EML6: variants seen among roughly 807,000 people sequenced by gnomAD.
EML6 encodes echinoderm microtubule-associated protein-like 6.
In EML6, 154 loss-of-function variants were observed where a neutral mutation model predicts 240.1. The observed-to-expected ratio is 0.64, with a 90% CI of 0.56 to 0.73. EML6 has a LOEUF of 0.73. Among genes scored for constraint, EML6 ranks in the 30% least tolerant of loss-of-function variants. EML6 has a pLI of 0.00. For synonymous variants in EML6, 1,148 were observed against 899.0 expected (o/e 1.28, Z -4.95); for missense variants, 2,964 against 2,474.6 (o/e 1.20, Z -4.20).
intron 16 of EML6, among the ~76,000 whole-genome samples, chr2:54,873,199 T>C (rs1320043204): frequency 6.6e-6 from 1 of 152,244 alleles, no homozygotes; most frequent in Non-Finnish European, 1.5e-5. Context: ...GGGGCAGTTT[T>C]TAGTTTTTCT....
At chr2:54,895,105 A>G (rs755468866) in intron 20 of EML6, 79 bp downstream of exon 20, 12 of 1,340,728 alleles carry the variant, frequency 9.0e-6, no homozygotes, top group Non-Finnish European at 1.2e-5. Flanking sequence ...TTAGAAAACT[A>G]TTAGCAAATC....
At chr2:54,859,414 A>T (rs956467004) in intron 11 of EML6, 120 bp from the exon 12 acceptor site, 11 of 751,430 alleles carry the variant, frequency 1.5e-5, no homozygotes, top group Non-Finnish European at 2.4e-5. Flanking sequence ...TGTAAGACGG[A>T]ACATCGTTTT....
At chr2:54,929,186 C>T (rs1411128656) in intron 28 of EML6, among the ~76,000 whole-genome samples, 1 of 152,208 alleles carries the variant, frequency 6.6e-6, no homozygotes, top group Non-Finnish European at 1.5e-5. Context: ...GAATCTGTGC[C>T]TTATACTCCA....
chr2:54,893,028 A>C (rs1364946529), intron 19 of EML6, among the ~76,000 whole-genome samples: 1 of 152,148 alleles, frequency 6.6e-6, no homozygotes, highest in Admixed American at 6.5e-5. Context: ...GAAAGTACCA[A>C]ATGGTTACAT....
chr2:54,755,809 G>A (rs917723319), intron 2 of EML6, among the ~76,000 whole-genome samples: 1 of 151,950 alleles, frequency 6.6e-6, no homozygotes, highest in Non-Finnish European at 1.5e-5. Context: ...ACAGGTGCAG[G>A]CAACCACGCC....
At chr2:54,747,579 A>G (rs938716446) in intron 2 of EML6, 2 of 152,212 alleles carry the variant, frequency 1.3e-5, no homozygotes, top group African/African-American at 2.4e-5. Flanking sequence ...ATTAGTATGC[A>G]TGTCTGAAAC....
rs1242189162 is a variant in EML6, at chr2:54,861,241, GT to G, written c.1825+1543del. ...AGCCTACCCATACTTACTGGAAAAA[GT>G]TTGGTCATACACCAAGTGCCACACC... On this transcript the variant is annotated intron_variant, in intron 12 of 41. Transcript: ENST00000356458. 2.6e-5 allele frequency among the ~76,000 whole-genome samples: 4 copies of G among 152,304 alleles called. No homozygotes were observed. The East Asian group carries it at 7.7e-4, about 29-fold the overall frequency.
At chr2:54,778,030 A>G (rs975671903) in intron 2 of EML6, among the ~76,000 whole-genome samples, 1 of 152,242 alleles carries the variant, frequency 6.6e-6, no homozygotes, top group Non-Finnish European at 1.5e-5. Flanking sequence ...CTAGGCATTC[A>G]TCACCTAAAC....
At chr2:54,930,943 C>T (rs1200507903) in intron 28 of EML6, among the ~76,000 whole-genome samples, 1 of 150,088 alleles carries the variant, frequency 6.7e-6, no homozygotes, top group Non-Finnish European at 1.5e-5. Flanking sequence ...AGAGATCAGA[C>T]CGTAGGCATC....
intron 7 of EML6, among the ~76,000 whole-genome samples, chr2:54,830,817 T>C (rs1284385846): frequency 5.3e-5 from 8 of 152,208 alleles, no homozygotes; most frequent in Non-Finnish European, 1.2e-4. Context: ...AATACAAAAA[T>C]GTGCATCTAA....
intron 8 of EML6, among the ~76,000 whole-genome samples, chr2:54,846,870 C>T (rs76584060): frequency 0.055 from 8,326 of 150,332 alleles, 352 homozygotes; most frequent in South Asian, 0.15. Flanking sequence ...CCTTGGTATA[C>T]ATAAAGGACC....
chr2:54,860,624 A>G (rs2103835201), intron 12 of EML6, among the ~76,000 whole-genome samples: 1 of 152,270 alleles, frequency 6.6e-6, no homozygotes, highest in East Asian at 1.9e-4. Context: ...GAGCTCCCCA[A>G]CTTTTATAGC....
At chr2:54,813,114 A>G in intron 2 of EML6, 118 bp from the exon 3 acceptor site, 1 of 726,034 alleles carries the variant, frequency 1.4e-6, no homozygotes, top group Non-Finnish European at 2.2e-6. Flanking sequence ...GGGACAGTTC[A>G]GACTCTTTCT....
intron 22 of EML6, among the ~76,000 whole-genome samples, chr2:54,901,143 A>G (rs897087829): frequency 2.0e-5 from 3 of 152,182 alleles, no homozygotes; most frequent in Non-Finnish European, 4.4e-5. Context: ...GAGTAAGGCT[A>G]TTATTATTGC....
At chr2:54,780,215 G>A (rs1042533744) in intron 2 of EML6, among the ~76,000 whole-genome samples, 1 of 152,112 alleles carries the variant, frequency 6.6e-6, no homozygotes, top group East Asian at 1.9e-4. Flanking sequence ...TTACCCATTA[G>A]TATAATATCT....
intron 28 of EML6, among the ~76,000 whole-genome samples, chr2:54,945,962 C>T (rs1009570162): frequency 7.2e-5 from 11 of 152,210 alleles, no homozygotes; most frequent in African/African-American, 2.7e-4. Flanking sequence ...ACTCTCCCCA[C>T]AGGCACTGAA....
At chr2:54,892,249 G>A (rs1459965903) in intron 18 of EML6, among the ~76,000 whole-genome samples, 1 of 152,150 alleles carries the variant, frequency 6.6e-6, no homozygotes, top group African/African-American at 2.4e-5. Context: ...CTTACCACAT[G>A]TAGGGATTCA....
In EML6 at chr2:54,962,497, T is replaced by C. The variant is rs576085267; in HGVS notation, c.4969-26T>C. 26 of 1,515,338 alleles carry C rather than the reference T, an allele frequency of 1.7e-5. 1 individual carries two copies. The East Asian group carries it at 6.2e-4, about 36-fold the overall frequency. 93.9% of individuals were successfully genotyped at this position (1,515,338 alleles called of 1,614,324 possible). On this transcript the variant is annotated intron_variant, in intron 35 of 41. Coordinates refer to ENST00000356458, the MANE Select transcript of EML6 (RefSeq NM_001039753.4). ...TGCAGTCATACAGTATTTGTCCTTT[T>C]TCTAATAGTGTTTCAATTACAACAG...
intron 29 of EML6, among the ~76,000 whole-genome samples, chr2:54,950,272 G>A (rs1675908700): frequency 6.6e-6 from 1 of 152,188 alleles, no homozygotes; most frequent in Non-Finnish European, 1.5e-5. Flanking sequence ...GTTTATTAGA[G>A]CAAACCTCTG....
Sources: allele counts gnomAD v4.1 joint callset (sites outside exome capture counted in the v4.1 genomes callset), GRCh38; gene constraint gnomAD v4.1.1; transcripts MANE v1.5; gene names NCBI Gene and HGNC (gene_info 2026-07-23, HGNC 2026-07-21).